Variants in CTNNA3 observed in about 807,000 individuals in gnomAD.
CTNNA3 encodes catenin alpha 3, also known as catenin alpha-3.
A neutral mutation model predicts 95.7 loss-of-function variants in CTNNA3; 76 were observed. The ratio of observed to expected loss-of-function variants is 0.79; its 90% CI spans 0.66 to 0.96. The LOEUF (loss-of-function observed/expected upper bound fraction) is 0.96, where lower values mean the gene tolerates loss of function less well. Ranked by LOEUF, CTNNA3 falls within the 40% of genes least tolerant of loss-of-function variation. The pLI, the probability that CTNNA3 is intolerant of heterozygous loss-of-function variation, is 0.00. For synonymous variants in CTNNA3, 431 were observed against 374.4 expected, an observed-to-expected ratio of 1.15 and a Z score of -1.74; for missense variants, 1,191 against 1,089.8, an observed-to-expected ratio of 1.09 and a Z score of -1.31.
chr10:66,491,956 T>G (rs1478950279), intron 11 of CTNNA3, among the ~76,000 whole-genome samples: 1 of 150,792 alleles, frequency 6.6e-6, no homozygotes, highest in East Asian at 2.2e-4. Flanking sequence ...CATTTCAAAT[T>G]CTCTCTTTTT....
chr10:67,493,135 A>T (rs1008141669), intron 5 of CTNNA3, among the ~76,000 whole-genome samples: 3 of 152,088 alleles, frequency 2.0e-5, no homozygotes, highest in African/African-American at 7.2e-5. Flanking sequence ...TTGTTTTTTT[A>T]AAAGGCGGGG....
chr10:66,127,268 T>C (rs1398516466), intron 13 of CTNNA3, among the ~76,000 whole-genome samples: 5 of 99,182 alleles, frequency 5.0e-5, no homozygotes, highest in East Asian at 2.6e-4. Flanking sequence ...CAAGACTCTG[T>C]CTCAAAAAAA....
intron 10 of CTNNA3, among the ~76,000 whole-genome samples, chr10:66,521,119 C>A (rs887585513): frequency 2.0e-5 from 3 of 151,236 alleles, no homozygotes; most frequent in African/African-American, 7.2e-5. Context: ...ATAGGAAAAA[C>A]AGTAAAATGT....
chr10:67,191,532 A>G (rs1863118718), intron 6 of CTNNA3, among the ~76,000 whole-genome samples: 2 of 151,928 alleles, frequency 1.3e-5, no homozygotes, highest in South Asian at 4.1e-4. Context: ...TTAGAAACAA[A>G]TTTAACCACA....
chr10:67,418,769 G>A (rs1225589287), intron 5 of CTNNA3, among the ~76,000 whole-genome samples: 1 of 152,062 alleles, frequency 6.6e-6, no homozygotes, highest in Admixed American at 6.6e-5. Context: ...AAAACATGTA[G>A]TAGAAAATCC....
intron 5 of CTNNA3, among the ~76,000 whole-genome samples, chr10:67,237,122 G>GCATATA: frequency 1.3e-5 from 1 of 79,636 alleles, no homozygotes; most frequent in South Asian, 6.3e-4. Flanking sequence ...AAACTATGGT[G>GCATATA]TATGTATATA....
At chr10:67,595,516 A>G (rs1046419705) in intron 3 of CTNNA3, among the ~76,000 whole-genome samples, 3 of 152,058 alleles carry the variant, frequency 2.0e-5, no homozygotes, top group Non-Finnish European at 4.4e-5. Flanking sequence ...GTATGATTTC[A>G]GTTTCTTTGA....
At chr10:66,826,469 G>A (rs572239713) in intron 7 of CTNNA3, among the ~76,000 whole-genome samples, 4 of 152,038 alleles carry the variant, frequency 2.6e-5, no homozygotes. Flanking sequence ...AGGGATGGGG[G>A]TTTGCCATGT....
chr10:67,567,075 G>T (rs1342316439), intron 3 of CTNNA3, among the ~76,000 whole-genome samples: 1 of 150,366 alleles, frequency 6.7e-6, no homozygotes, highest in African/African-American at 2.4e-5. Context: ...AATGCTAAAT[G>T]ACGAGTTAAT....
intron 5 of CTNNA3, among the ~76,000 whole-genome samples, chr10:67,423,587 A>G (rs1055514088): frequency 6.6e-6 from 1 of 152,206 alleles, no homozygotes; most frequent in Non-Finnish European, 1.5e-5. Flanking sequence ...GTTTTAAATC[A>G]AATTCAAAAT....
At chr10:66,344,226 C>CAAAA (rs71035122) in intron 12 of CTNNA3, among the ~76,000 whole-genome samples, 5 of 139,788 alleles carry the variant, frequency 3.6e-5, no homozygotes, top group African/African-American at 5.4e-5. Flanking sequence ...GACTCCATCT[C>CAAAA]AAAAAAAAAA....
intron 5 of CTNNA3, among the ~76,000 whole-genome samples, chr10:67,226,944 A>AC (rs1864947197): frequency 6.6e-6 from 1 of 152,214 alleles, no homozygotes; most frequent in Non-Finnish European, 1.5e-5. Context: ...AAGATACAGA[A>AC]CCACAGAATG....
At chr10:65,993,191 G>C (rs915154449) in intron 15 of CTNNA3, among the ~76,000 whole-genome samples, 2 of 152,196 alleles carry the variant, frequency 1.3e-5, no homozygotes, top group African/African-American at 4.8e-5. Context: ...TGTCTATGTG[G>C]TTATGGGAAA....
intron 5 of CTNNA3, among the ~76,000 whole-genome samples, chr10:67,433,460 C>T (rs1589285072): frequency 6.6e-6 from 1 of 152,030 alleles, no homozygotes; most frequent in Non-Finnish European, 1.5e-5. Context: ...GAAGTGACCA[C>T]ACGCTGTTGG....
chr10:66,899,923 G>A (rs1322350180), intron 7 of CTNNA3, among the ~76,000 whole-genome samples: 2 of 152,170 alleles, frequency 1.3e-5, no homozygotes, highest in Non-Finnish European at 2.9e-5. Flanking sequence ...TGTGGGCAGG[G>A]CATAGCTCAA....
chr10:67,440,531 C>A (rs1442635633), intron 5 of CTNNA3, among the ~76,000 whole-genome samples: 1 of 152,052 alleles, frequency 6.6e-6, no homozygotes, highest in South Asian at 2.1e-4. Context: ...TTTGGTGAGA[C>A]CCAGTGCTGT....
intron 5 of CTNNA3, among the ~76,000 whole-genome samples, chr10:67,471,002 G>C (rs962036608): frequency 1.3e-5 from 2 of 151,638 alleles, no homozygotes; most frequent in African/African-American, 4.8e-5. Flanking sequence ...TTTTTGTAGA[G>C]ACCAGGTTTC....
In CTNNA3 at chr10:66,763,341, C is replaced by CAGAGAGAGAG. The variant is rs1554848276; in HGVS notation, c.1281+2913_1281+2922dup. ...ACACACACACACACACACACACACA[C>CAGAGAGAGAG]AGAGAGAGAGAGGGAGAGAGAGAGA... On this transcript the variant is annotated intron_variant, in intron 9 of 17. Coordinates refer to ENST00000433211, the MANE Select transcript of CTNNA3 (RefSeq NM_013266.4). 9.8e-4 allele frequency among the ~76,000 whole-genome samples: 136 copies of CAGAGAGAGAG among 139,206 alleles called. 3 individuals are homozygous for CAGAGAGAGAG. The highest frequency in any genetic ancestry group is 2.8e-3 in the East Asian group (13 of 4,610). 91.3% of individuals were successfully genotyped at this position (139,206 alleles called of 152,430 possible).
chr10:67,328,229 C>T (rs117316438), intron 5 of CTNNA3, among the ~76,000 whole-genome samples: 16 of 152,286 alleles, frequency 1.1e-4, no homozygotes, highest in Non-Finnish European at 2.2e-4. Flanking sequence ...CTGTAGGGGC[C>T]ATCCTGCTGG....
Sources: allele counts gnomAD v4.1 joint callset (sites outside exome capture counted in the v4.1 genomes callset), GRCh38; gene constraint gnomAD v4.1.1; transcripts MANE v1.5; gene names NCBI Gene and HGNC (gene_info 2026-07-23, HGNC 2026-07-21).